RBFOX1: variants seen among roughly 807,000 people sequenced by gnomAD.
RBFOX1 encodes RNA binding fox-1 homolog 1.
In RBFOX1, 8 loss-of-function variants were observed where a neutral mutation model predicts 57.7. The ratio of observed to expected loss-of-function variants is 0.14; its 90% CI spans 0.08 to 0.25. The LOEUF is 0.25. Ranked by LOEUF, RBFOX1 falls within the 10% of genes least tolerant of loss-of-function variation. RBFOX1 has a pLI of 1.00. For synonymous variants in RBFOX1, 326 were observed against 222.4 expected, an observed-to-expected ratio of 1.47 and a Z score of -4.15; for missense variants, 611 against 548.5, an observed-to-expected ratio of 1.11 and a Z score of -1.14.
At chr16:6,282,577 C>G (rs974932707) in intron 1 of RBFOX1, among the ~76,000 whole-genome samples, 5 of 152,042 alleles carry the variant, frequency 3.3e-5, no homozygotes, top group African/African-American at 1.2e-4. Context: ...TGATATTCCC[C>G]TCCCTGTGTC....
chr16:7,575,095 A>G (rs2093197882), intron 5 of RBFOX1, among the ~76,000 whole-genome samples: 1 of 152,010 alleles, frequency 6.6e-6, no homozygotes. Context: ...GTAACTAAGG[A>G]TCAACACAAA....
At chr16:5,358,819 C>T (rs1382147277) in intron 1 of RBFOX1, among the ~76,000 whole-genome samples, 1 of 152,138 alleles carries the variant, frequency 6.6e-6, no homozygotes, top group Non-Finnish European at 1.5e-5. Context: ...AAGAGCAAAA[C>T]TCCATCTCAA....
At chr16:6,220,256 G>C (rs7193458) in intron 1 of RBFOX1, among the ~76,000 whole-genome samples, 77,179 of 151,892 alleles carry the variant, frequency 0.51, 20,058 homozygotes, top group Middle Eastern at 0.6. Flanking sequence ...CATACAAACA[G>C]ACACACATAA....
At chr16:5,681,483 G>C (rs1468868706) in intron 3 of RBFOX1, among the ~76,000 whole-genome samples, 1 of 149,560 alleles carries the variant, frequency 6.7e-6, no homozygotes, top group Non-Finnish European at 1.5e-5. Context: ...CCCCATCCCC[G>C]GTTCAAGTGA....
chr16:6,747,200 G>A (rs929738737), intron 3 of RBFOX1, among the ~76,000 whole-genome samples: 1 of 152,146 alleles, frequency 6.6e-6, no homozygotes, highest in Admixed American at 6.5e-5. Flanking sequence ...ACAAGGTCAG[G>A]AGTTCGAGAC....
chr16:6,340,428 A>T (rs1030848036), intron 2 of RBFOX1, among the ~76,000 whole-genome samples: 2 of 152,246 alleles, frequency 1.3e-5, no homozygotes, highest in African/African-American at 4.8e-5. Flanking sequence ...TTCTTAGGAA[A>T]GTGAAGGAAT....
intron 5 of RBFOX1, among the ~76,000 whole-genome samples, chr16:7,548,882 G>C (rs745855004): frequency 2.0e-4 from 31 of 152,308 alleles, no homozygotes; most frequent in Non-Finnish European, 3.7e-4. Context: ...CATTATGAAT[G>C]ACATAGTCAC....
At chr16:6,463,716 G>A (rs1367870665) in intron 2 of RBFOX1, among the ~76,000 whole-genome samples, 3 of 152,110 alleles carry the variant, frequency 2.0e-5, no homozygotes, top group African/African-American at 4.8e-5. Flanking sequence ...GCTTGGCTCC[G>A]CCATTATACA....
chr16:6,674,069 T>A (rs2098785153), intron 3 of RBFOX1, among the ~76,000 whole-genome samples: 1 of 152,162 alleles, frequency 6.6e-6, no homozygotes, highest in Non-Finnish European at 1.5e-5. Context: ...AGTAGGAGAT[T>A]CAGCACTCTC....
At chr16:5,240,629 G>A (rs1169343242) in intron 1 of RBFOX1, among the ~76,000 whole-genome samples, 2 of 152,208 alleles carry the variant, frequency 1.3e-5, no homozygotes, top group Non-Finnish European at 2.9e-5. Context: ...GGCAGCGAGA[G>A]TTGAGAGGAG....
chr16:5,569,752 T>A (rs2046214701), intron 2 of RBFOX1, among the ~76,000 whole-genome samples: 2 of 152,018 alleles, frequency 1.3e-5, no homozygotes, highest in African/African-American at 4.8e-5. Flanking sequence ...TCATGACCCC[T>A]CCATCTGATC....
chr16:5,254,565 ACTTCT>A (rs2151085302), intron 1 of RBFOX1, among the ~76,000 whole-genome samples: 1 of 152,306 alleles, frequency 6.6e-6, no homozygotes, highest in South Asian at 2.1e-4. Flanking sequence ...CAAAATTAAC[ACTTCT>A]CTTGACTGCC....
At position 6,943,116 on chromosome 16, in the gene RBFOX1, T is replaced by G. The variant is rs6500888; in HGVS notation, c.-15-108941T>G. ...CCCCAGGAGGGAGCCAATCTGGGTA[T>G]TCATTCCTTAGCTGCTGTAATACTG... On this transcript the variant is annotated intron_variant, in intron 3 of 15. Coordinates refer to ENST00000550418, the MANE Select transcript of RBFOX1 (RefSeq NM_018723.4). Among the ~76,000 whole-genome samples the G allele has an allele frequency of 3.8e-3, 583 of 152,104 alleles. 1 individual carries two copies. Among genetic ancestry groups the G allele is most frequent in the African/African-American group, 0.013 (547 of 41,524 alleles).
intron 2 of RBFOX1, among the ~76,000 whole-genome samples, chr16:5,498,168 T>A (rs1337678496): frequency 6.6e-6 from 1 of 151,950 alleles, no homozygotes; most frequent in Non-Finnish European, 1.5e-5. Context: ...TGAGACAGAG[T>A]TTTTGCTCTT....
At chr16:7,484,656 G>T (rs1455824497) in intron 4 of RBFOX1, among the ~76,000 whole-genome samples, 2 of 152,118 alleles carry the variant, frequency 1.3e-5, no homozygotes, top group Admixed American at 6.6e-5. Flanking sequence ...TAGAGACAAG[G>T]TTTCACCATG....
At chr16:6,437,340 A>G (rs957016151) in intron 2 of RBFOX1, among the ~76,000 whole-genome samples, 2 of 152,212 alleles carry the variant, frequency 1.3e-5, no homozygotes, top group African/African-American at 4.8e-5. Context: ...AGAACTAAGC[A>G]CAGAGAGCAT....
Position 7,663,961 on chromosome 16 carries a change from C to G in RBFOX1, c.891-968C>G, listed in dbSNP as rs144956934. ...CTTCTGGGGAATCATTCCCTAACCC[C>G]TGTCCCCAGCCCTCTGAAGTCTCTT... On this transcript the variant is annotated intron_variant, in intron 12 of 15. Coordinates refer to ENST00000550418, the MANE Select transcript of RBFOX1 (RefSeq NM_018723.4). Among the ~76,000 whole-genome samples the G allele has an allele frequency of 9.8e-5, 15 of 152,314 alleles. No homozygotes were observed. In the East Asian group the frequency reaches 2.9e-3, roughly 29 times the overall value.
chr16:6,269,345 C>A (rs1173686557), intron 1 of RBFOX1, among the ~76,000 whole-genome samples: 1 of 151,954 alleles, frequency 6.6e-6, no homozygotes, highest in East Asian at 1.9e-4. Flanking sequence ...GGATATAGAA[C>A]CCATGGATAT....
At chr16:6,446,927 C>T (rs185655277) in intron 2 of RBFOX1, among the ~76,000 whole-genome samples, 1 of 152,188 alleles carries the variant, frequency 6.6e-6, no homozygotes, top group Non-Finnish European at 1.5e-5. Flanking sequence ...GGTGAGGAGC[C>T]TCTGTCTAGC....
Sources: allele counts gnomAD v4.1 joint callset (sites outside exome capture counted in the v4.1 genomes callset), GRCh38; gene constraint gnomAD v4.1.1; transcripts MANE v1.5; gene names NCBI Gene and HGNC (gene_info 2026-07-23, HGNC 2026-07-21).